Variants in GRIN2B observed in about 807,000 individuals in gnomAD.
GRIN2B encodes the protein glutamate receptor ionotropic, NMDA 2B.
In GRIN2B, 5 loss-of-function variants were observed where a neutral mutation model predicts 114.5. The ratio of observed to expected loss-of-function variants is 0.04; its 90% confidence interval spans 0.02 to 0.09. The LOEUF (loss-of-function observed/expected upper bound fraction) is 0.09. Among genes scored for constraint, GRIN2B ranks in the 10% least tolerant of loss-of-function variants. The pLI is 1.00. For synonymous variants in GRIN2B, 787 were observed against 745.1 expected (o/e 1.06, Z -0.92); for missense variants, 1,108 against 1,943.5 (o/e 0.57, Z 8.08).
chr12:13,942,765 CAAT>C (rs1867284064), intron 2 of GRIN2B, among the ~76,000 whole-genome samples: 2 of 152,120 alleles, frequency 1.3e-5, no homozygotes, highest in Admixed American at 1.3e-4. Context: ...TCAGTAGAGA[CAAT>C]AATCACTTTG....
At chr12:13,686,430 G>A (rs1351911600) in intron 4 of GRIN2B, among the ~76,000 whole-genome samples, 1 of 152,020 alleles carries the variant, frequency 6.6e-6, no homozygotes, top group Non-Finnish European at 1.5e-5. Flanking sequence ...GTACTGTGTG[G>A]GGGCTAGAAC....
intron 4 of GRIN2B, among the ~76,000 whole-genome samples, chr12:13,748,526 C>A (rs1339099166): frequency 6.6e-6 from 1 of 152,160 alleles, no homozygotes; most frequent in Admixed American, 6.5e-5. Flanking sequence ...GGAAAACTTA[C>A]CTAATCATTT....
At position 13,557,015 on chromosome 12, in the gene GRIN2B, C is replaced by G. The variant is rs1423742966; in HGVS notation, c.*5768G>C. The G allele has an allele frequency of 6.6e-6, 1 of 152,180 alleles. No homozygotes were observed. Among genetic ancestry groups the G allele is most frequent in the African/African-American group, 2.4e-5 (1 of 41,434 alleles). The allele number at this position is 152,180 out of a possible 1,614,324, so 9.4% of individuals were successfully genotyped here. ...TCTCCAAGGCATGAAAGTAGCAGCA[C>G]TGGCTTTCAATTTAAGGTTTTGGGT... On this transcript the variant is annotated 3_prime_UTR_variant, in exon 14 of 14. Transcript: ENST00000609686.
intron 5 of GRIN2B, among the ~76,000 whole-genome samples, chr12:13,637,752 TAGAG>T (rs1306538169): frequency 2.0e-5 from 3 of 152,164 alleles, no homozygotes; most frequent in Admixed American, 6.6e-5. Context: ...CCTTAGAATA[TAGAG>T]AGAAACTGCA....
intron 3 of GRIN2B, among the ~76,000 whole-genome samples, chr12:13,827,267 T>C (rs147419039): frequency 1.5e-3 from 194 of 130,530 alleles, no homozygotes; most frequent in African/African-American, 5.4e-3. Flanking sequence ...TTACTGAACT[T>C]CTTAAATCTG....
At chr12:13,795,698 A>G (rs891416752) in intron 3 of GRIN2B, among the ~76,000 whole-genome samples, 2 of 152,214 alleles carry the variant, frequency 1.3e-5, no homozygotes, top group Non-Finnish European at 2.9e-5. Context: ...TCCGTCAATG[A>G]TAGCCTGGAT....
chr12:13,875,994 C>T (rs980739441), intron 2 of GRIN2B, among the ~76,000 whole-genome samples: 1 of 152,188 alleles, frequency 6.6e-6, no homozygotes, highest in Non-Finnish European at 1.5e-5. Flanking sequence ...TGTGAGAGGG[C>T]TGTGACAGAG....
At chr12:13,638,428 AT>A (rs1270870219) in intron 5 of GRIN2B, among the ~76,000 whole-genome samples, 3 of 152,146 alleles carry the variant, frequency 2.0e-5, no homozygotes, top group Non-Finnish European at 4.4e-5. Flanking sequence ...ATGAATGTGA[AT>A]GGAAATGTCC....
At chr12:13,798,491 G>A (rs1864454213) in intron 3 of GRIN2B, among the ~76,000 whole-genome samples, 1 of 152,010 alleles carries the variant, frequency 6.6e-6, no homozygotes, top group Non-Finnish European at 1.5e-5. Flanking sequence ...TCACCATATA[G>A]GGTAGTATGA....
At chr12:13,805,376 G>T (rs551666968) in intron 3 of GRIN2B, among the ~76,000 whole-genome samples, 2 of 152,236 alleles carry the variant, frequency 1.3e-5, no homozygotes, top group African/African-American at 4.8e-5. Context: ...ATCTAGAAAA[G>T]CCTGAAGGTC....
At position 13,924,765 on chromosome 12, in the gene GRIN2B, C is replaced by T. The variant is rs115830786; in HGVS notation, c.-19+55163G>A. Among the ~76,000 whole-genome samples, 911 of 152,312 alleles carry T rather than the reference C, an allele frequency of 6.0e-3. 11 individuals carry two copies. The highest frequency in any genetic ancestry group is 0.021 in the African/African-American group (863 of 41,568). On this transcript the variant is annotated intron_variant, in intron 2 of 13. Transcript: ENST00000609686. ...TTTCTCACACCATGGCAACTTTTCACGTATTCCTCCAAAGTGTGTAATTTT... is the reference window on the plus strand; with the variant it reads ...TTTCTCACACCATGGCAACTTTTCATGTATTCCTCCAAAGTGTGTAATTTT...
rs910225327 is a variant in GRIN2B, at chr12:13,872,820, T to C, written c.-18-6594A>G. On this transcript the variant is annotated intron_variant, in intron 2 of 13. Transcript: ENST00000609686. ...AATTAACAAAAGTCTTAACAAGACC[T>C]CTACAGCAAAAATTTGAAAACTTTA... is the stretch of plus-strand genomic sequence containing the variant. Among the ~76,000 whole-genome samples, 10 of 152,272 alleles carry C rather than the reference T, an allele frequency of 6.6e-5. No individual in the cohort carries two copies. In the South Asian group the frequency reaches 2.1e-3, roughly 32 times the overall value.
intron 5 of GRIN2B, among the ~76,000 whole-genome samples, chr12:13,675,342 C>T (rs755217213): frequency 3.9e-5 from 6 of 152,076 alleles, no homozygotes; most frequent in Non-Finnish European, 8.8e-5. Flanking sequence ...ATCCTTCAAT[C>T]ACAATAAGTC....
chr12:13,613,725 TATA>T (rs969222013), intron 8 of GRIN2B, among the ~76,000 whole-genome samples: 1 of 152,108 alleles, frequency 6.6e-6, no homozygotes, highest in African/African-American at 2.4e-5. Context: ...ATAAAATGGG[TATA>T]ATAACATTTT....
At chr12:13,852,743 A>G (rs887393494) in intron 3 of GRIN2B, among the ~76,000 whole-genome samples, 2 of 151,150 alleles carry the variant, frequency 1.3e-5, no homozygotes, top group Non-Finnish European at 2.9e-5. Flanking sequence ...GCAAGAGGTC[A>G]CCGGGCTCTG....
chr12:13,593,863 G>A (rs1949039601), intron 10 of GRIN2B, among the ~76,000 whole-genome samples: 3 of 152,124 alleles, frequency 2.0e-5, no homozygotes, highest in Admixed American at 6.6e-5. Context: ...AGTGGGTGAA[G>A]GATATGAACA....
chr12:13,742,651 A>T (rs1357108715), intron 4 of GRIN2B, among the ~76,000 whole-genome samples: 1 of 152,246 alleles, frequency 6.6e-6, no homozygotes, highest in East Asian at 1.9e-4. Context: ...GGCTGGTCTC[A>T]ACCCCCTGAC....
intron 4 of GRIN2B, among the ~76,000 whole-genome samples, chr12:13,731,913 C>T (rs868100307): frequency 2.6e-5 from 4 of 152,098 alleles, no homozygotes; most frequent in Admixed American, 6.6e-5. Flanking sequence ...TTATGATTAC[C>T]TTCCAGAGTA....
intron 2 of GRIN2B, among the ~76,000 whole-genome samples, chr12:13,930,054 C>T (rs552786571): frequency 1.1e-3 from 168 of 152,124 alleles, no homozygotes; most frequent in Admixed American, 4.8e-3. Context: ...CATGGTGGCA[C>T]GCACCTGCAG....
Sources: gnomAD v4.1 joint callset for allele counts (sites outside exome capture counted in the v4.1 genomes callset) on GRCh38, gnomAD v4.1.1 for gene constraint, MANE v1.5 for transcripts, NCBI Gene and HGNC (gene_info 2026-07-23, HGNC 2026-07-21) for gene names.